CYP19A1: variants seen among roughly 807,000 people sequenced by gnomAD.
The protein encoded by CYP19A1 is cytochrome P450 family 19 subfamily A member 1.
A neutral mutation model predicts 44.4 loss-of-function variants in CYP19A1; 32 were observed. The observed-to-expected ratio is 0.72, with a 90% CI of 0.54 to 0.97. The LOEUF is 0.97. CYP19A1 is among the 50% of genes least tolerant of loss of function. The probability of loss-of-function intolerance (pLI) is 0.00; values close to 1 mark genes in which losing one functional copy is unlikely to be tolerated. For missense variants in CYP19A1, 598 were observed against 637.8 expected (o/e 0.94, Z 0.67); for synonymous variants, 212 against 215.6 (o/e 0.98, Z 0.14).
At chr15:51,263,576 G>C (rs1212831552) in intron 1 of CYP19A1, among the ~76,000 whole-genome samples, 1 of 152,190 alleles carries the variant, frequency 6.6e-6, no homozygotes, top group African/African-American at 2.4e-5. Flanking sequence ...TAGTGAGGAA[G>C]AGGTCAAAGA....
At chr15:51,263,783 C>G (rs982545395) in intron 1 of CYP19A1, among the ~76,000 whole-genome samples, 1 of 152,182 alleles carries the variant, frequency 6.6e-6, no homozygotes, top group Non-Finnish European at 1.5e-5. Context: ...CATTCCAACT[C>G]TGAGAGGAAG....
chr15:51,331,021 G>T (rs902537675), intron 1 of CYP19A1, among the ~76,000 whole-genome samples: 4 of 152,140 alleles, frequency 2.6e-5, no homozygotes, highest in African/African-American at 9.7e-5. Context: ...AAGATGGCTG[G>T]TTGACTTTGG....
At chr15:51,285,423 C>G (rs922808370) in intron 1 of CYP19A1, among the ~76,000 whole-genome samples, 1 of 152,146 alleles carries the variant, frequency 6.6e-6, no homozygotes, top group East Asian at 1.9e-4. Context: ...CAAAAAGAGG[C>G]CACCTTTTAT....
chr15:51,311,816 T>C (rs564270137), intron 1 of CYP19A1, among the ~76,000 whole-genome samples: 1 of 152,140 alleles, frequency 6.6e-6, no homozygotes, highest in Non-Finnish European at 1.5e-5. Flanking sequence ...CTCACTGACA[T>C]GTGTGAGGGC....
At chr15:51,258,929 A>G (rs1305876747) in intron 1 of CYP19A1, among the ~76,000 whole-genome samples, 1 of 152,220 alleles carries the variant, frequency 6.6e-6, no homozygotes, top group African/African-American at 2.4e-5. Flanking sequence ...CTAATGACAC[A>G]TTCGACAAAA....
intron 2 of CYP19A1, among the ~76,000 whole-genome samples, chr15:51,239,893 C>T (rs540179518): frequency 7.9e-5 from 12 of 152,270 alleles, no homozygotes; most frequent in African/African-American, 2.6e-4. Context: ...TGTGGTACCC[C>T]GGGCAGAGCA....
intron 1 of CYP19A1, among the ~76,000 whole-genome samples, chr15:51,271,070 T>C (rs2035109010): frequency 6.6e-6 from 1 of 152,194 alleles, no homozygotes. Flanking sequence ...CTCTGCTGCC[T>C]TTGCAGAGAA....
chr15:51,248,588 A>T (rs182815402), intron 1 of CYP19A1, among the ~76,000 whole-genome samples: 1 of 152,186 alleles, frequency 6.6e-6, no homozygotes, highest in African/African-American at 2.4e-5. Context: ...TAATTCATGA[A>T]AAGTCAAATT....
At chr15:51,261,611 T>C (rs1350430883) in intron 1 of CYP19A1, among the ~76,000 whole-genome samples, 2 of 152,240 alleles carry the variant, frequency 1.3e-5, no homozygotes, top group Non-Finnish European at 2.9e-5. Flanking sequence ...TGCCTTGATA[T>C]AGCTAACTGC....
intron 6 of CYP19A1, among the ~76,000 whole-genome samples, chr15:51,217,510 A>G (rs997219342): frequency 1.3e-5 from 2 of 152,246 alleles, no homozygotes; most frequent in East Asian, 3.8e-4. Context: ...CTTATCAACC[A>G]TGAGAGAATA....
intron 1 of CYP19A1, among the ~76,000 whole-genome samples, chr15:51,249,379 C>T (rs531738961): frequency 1.3e-5 from 2 of 152,298 alleles, no homozygotes; most frequent in South Asian, 4.1e-4. Context: ...CACTGGTTTC[C>T]CAAGACAAGC....
At chr15:51,273,208 C>G (rs113785025) in intron 1 of CYP19A1, among the ~76,000 whole-genome samples, 297 of 152,246 alleles carry the variant, frequency 2.0e-3, no homozygotes, top group African/African-American at 7.0e-3. Flanking sequence ...CTCGGCCTCC[C>G]AAAATGCTGG....
intron 1 of CYP19A1, among the ~76,000 whole-genome samples, chr15:51,319,963 G>C (rs998848114): frequency 6.6e-6 from 1 of 152,176 alleles, no homozygotes; most frequent in Admixed American, 6.5e-5. Flanking sequence ...ACCTTCTGAG[G>C]GTCACAGAGC....
Position 51,209,105 on chromosome 15 carries a change from G to A in CYP19A1, c.*1703C>T, listed in dbSNP as rs1475064184. 3 of 152,118 alleles carry A rather than the reference G, an allele frequency of 2.0e-5. No individual in the cohort carries two copies. Among genetic ancestry groups the A allele is most frequent in the South Asian group, 2.1e-4 (1 of 4,824 alleles). 9.4% of individuals were successfully genotyped at this position (152,118 alleles called of 1,614,324 possible). Reference sequence around the variant, plus strand: ...TGATTGTCTTGACCTGACTACATACGTATTCAGGTACACAGGCATAGTCCA... The same window carrying A: ...TGATTGTCTTGACCTGACTACATACATATTCAGGTACACAGGCATAGTCCA... On this transcript the variant is annotated 3_prime_UTR_variant, in exon 10 of 10. Transcript: ENST00000396402.
At chr15:51,263,210 T>C (rs2034795154) in intron 1 of CYP19A1, among the ~76,000 whole-genome samples, 1 of 152,208 alleles carries the variant, frequency 6.6e-6, no homozygotes, top group Non-Finnish European at 1.5e-5. Context: ...CCCTATTTTA[T>C]CACTGAAGCG....
intron 1 of CYP19A1, among the ~76,000 whole-genome samples, chr15:51,271,028 T>C (rs762435983): frequency 6.9e-6 from 1 of 145,170 alleles, no homozygotes; most frequent in Non-Finnish European, 1.5e-5. Flanking sequence ...TGATGAACTA[T>C]GTGCAAGTCT....
intron 1 of CYP19A1, among the ~76,000 whole-genome samples, chr15:51,302,084 C>A (rs1454752534): frequency 6.6e-6 from 1 of 152,172 alleles, no homozygotes; most frequent in Non-Finnish European, 1.5e-5. Flanking sequence ...GGGGGGTTCT[C>A]ATCAAGTACC....
intron 1 of CYP19A1, among the ~76,000 whole-genome samples, chr15:51,302,539 G>A (rs942093696): frequency 6.6e-6 from 1 of 152,206 alleles, no homozygotes; most frequent in Non-Finnish European, 1.5e-5. Flanking sequence ...CAGGCAAAGC[G>A]TGATCCTTGG....
chr15:51,245,242 C>T (rs556722703), intron 1 of CYP19A1, among the ~76,000 whole-genome samples: 8 of 152,282 alleles, frequency 5.3e-5, no homozygotes, highest in African/African-American at 1.7e-4. Flanking sequence ...AGTTAAGAAG[C>T]CTCGTTTCTC....
Sources: allele counts gnomAD v4.1 joint callset (sites outside exome capture counted in the v4.1 genomes callset), GRCh38; gene constraint gnomAD v4.1.1; transcripts MANE v1.5; gene names NCBI Gene and HGNC (gene_info 2026-07-23, HGNC 2026-07-21).